Variants in CFAP57 observed in about 807,000 individuals in gnomAD.
CFAP57 encodes the protein cilia and flagella associated protein 57.
In CFAP57, 116 loss-of-function variants were observed where a neutral mutation model predicts 146.8. The observed-to-expected ratio is 0.79, with a 90% CI of 0.68 to 0.92. CFAP57 has a LOEUF of 0.92. CFAP57 is among the 40% of genes least tolerant of loss of function. The probability of loss-of-function intolerance (pLI) is 0.00; values close to 1 mark genes in which losing one functional copy is unlikely to be tolerated. For missense variants in CFAP57, 1,377 were observed against 1,527.2 expected (o/e 0.90, Z 1.64); for synonymous variants, 518 against 552.8 (o/e 0.94, Z 0.88).
At position 43,186,713 on chromosome 1, in the gene CFAP57, G is replaced by A. The variant is rs1452618413; in HGVS notation, c.976G>A (p.Val326Met). 2 of 1,613,320 alleles carry A rather than the reference G, an allele frequency of 1.2e-6. No homozygotes were observed. Among genetic ancestry groups the A allele is most frequent in the Non-Finnish European group, 1.7e-6 (2 of 1,179,716 alleles). Reference sequence around the variant, plus strand: ...TGTTTTGCATTTTGGGCAGATTCCTGTGGACCCGCAGAGCAATGATCCAAG... The same window carrying A: ...TGTTTTGCATTTTGGGCAGATTCCTATGGACCCGCAGAGCAATGATCCAAG... The part of the protein sequence containing the change: ...YRESREIRIP[V>M]DPQSNDPSQS... Residue 326 changes from valine to methionine, a missense_variant, in exon 6 of 23, where the codon GTG becomes ATG. Transcript: ENST00000372492.
intron 11 of CFAP57, among the ~76,000 whole-genome samples, chr1:43,214,590 G>C (rs1644763785): frequency 6.6e-6 from 1 of 152,168 alleles, no homozygotes; most frequent in Admixed American, 6.5e-5. Context: ...TCATATACAG[G>C]CTTTTGTGTG....
intron 3 of CFAP57, 138 bp from the exon 4 acceptor site, chr1:43,183,453 G>T: frequency 1.3e-6 from 1 of 796,146 alleles, no homozygotes; most frequent in South Asian, 1.6e-5. Context: ...ATCAAATGCA[G>T]CATAAAGTTA....
intron 6 of CFAP57, among the ~76,000 whole-genome samples, chr1:43,189,352 T>A (rs1643355709): frequency 6.6e-6 from 1 of 152,218 alleles, no homozygotes; most frequent in East Asian, 1.9e-4. Context: ...ATCTTAACAA[T>A]ACTAAGCCTT....
At chr1:43,232,023 G>C (rs1271829642) in intron 18 of CFAP57, 3 of 691,062 alleles carry the variant, frequency 4.3e-6, no homozygotes, top group Non-Finnish European at 5.3e-6. Flanking sequence ...TGCCTTAGAT[G>C]GGTGGTGCCC....
Position 43,231,968 on chromosome 1 carries a change from A to G in CFAP57, c.3010-540A>G, listed in dbSNP as rs562119846. 6.9e-6 allele frequency: 4 copies of G among 583,808 alleles called. No individual in the cohort carries two copies. The East Asian group carries it at 1.2e-4, about 17-fold the overall frequency. 36.2% of individuals were successfully genotyped at this position (583,808 alleles called of 1,614,324 possible). A position where few individuals can be genotyped will look rare whatever the true frequency, so the allele number is the denominator to read the frequency against. On this transcript the variant is annotated intron_variant, in intron 18 of 22. Transcript: ENST00000372492. ...GTACTTTTTAAGACCTTTCAACAGA[A>G]TGATGAGGCTGAGGCCCCTTCTCAG...
At chr1:43,247,766 C>T (rs1646165608) in intron 22 of CFAP57, among the ~76,000 whole-genome samples, 1 of 152,074 alleles carries the variant, frequency 6.6e-6, no homozygotes, top group Non-Finnish European at 1.5e-5. Context: ...TTACACAGAC[C>T]ATGCGTGACA....
chr1:43,200,203 A>G (rs1644056284), intron 9 of CFAP57, among the ~76,000 whole-genome samples: 1 of 152,174 alleles, frequency 6.6e-6, no homozygotes, highest in Non-Finnish European at 1.5e-5. Context: ...GATTTTAGAA[A>G]GTAAAGTCGT....
chr1:43,228,739 T>C (rs1570253577), intron 18 of CFAP57, among the ~76,000 whole-genome samples: 1 of 148,788 alleles, frequency 6.7e-6, no homozygotes, highest in African/African-American at 2.5e-5. Context: ...CCTTTCGGGG[T>C]GCTATAACAA....
intron 14 of CFAP57, 122 bp downstream of exon 14, chr1:43,221,587 C>A: frequency 1.8e-6 from 1 of 570,476 alleles, no homozygotes; most frequent in East Asian, 3.2e-5. Context: ...TAAAAACAGG[C>A]TACATGTATC....
chr1:43,217,212 G>C (rs991186826), intron 12 of CFAP57, among the ~76,000 whole-genome samples: 1 of 152,176 alleles, frequency 6.6e-6, no homozygotes, highest in East Asian at 1.9e-4. Context: ...GGTCAGGGGG[G>C]CCTTTTACAC....
rs1313914615 is a variant in CFAP57, at chr1:43,199,475, T to C, written c.1514T>C (p.Ile505Thr). ...HVYTTTSLENISSLKGHTGKI... is the reference protein window; with the variant it reads ...HVYTTTSLENTSSLKGHTGKI... The stretch of plus-strand genomic sequence containing the variant: ...TACACCACCACGAGCCTAGAGAACA[T>C]CTCAAGCCTGAAAGGACACACAGGG... Residue 505 changes from isoleucine (I) to threonine (T), a missense_variant, in exon 9 of 23, where the codon ATC becomes ACC. By Grantham distance (89) the Ile-to-Thr change is moderately conservative. Transcript: ENST00000372492. 1.2e-6 allele frequency: 2 copies of C among 1,614,062 alleles called. No individual in the cohort carries two copies. The highest frequency in any genetic ancestry group is 1.7e-6 in the Non-Finnish European group (2 of 1,180,014).
intron 18 of CFAP57, chr1:43,232,013 T>G: frequency 1.5e-6 from 1 of 676,734 alleles, no homozygotes; most frequent in Non-Finnish European, 2.7e-6. Context: ...TCCTGTTTTA[T>G]GCCTTAGATG....
intron 6 of CFAP57, among the ~76,000 whole-genome samples, chr1:43,188,405 A>G (rs1224304428): frequency 1.3e-5 from 2 of 152,174 alleles, no homozygotes; most frequent in Non-Finnish European, 2.9e-5. Context: ...CATAAGCAGT[A>G]TATGAGCATT....
intron 6 of CFAP57, among the ~76,000 whole-genome samples, chr1:43,197,170 T>C (rs7533005): frequency 0.18 from 26,827 of 151,808 alleles, 3,365 homozygotes; most frequent in African/African-American, 0.33. Flanking sequence ...TGGGCTAACA[T>C]AGTGAAACCG....
At chr1:43,242,048 CT>C (rs921135803) in intron 21 of CFAP57, among the ~76,000 whole-genome samples, 3 of 152,220 alleles carry the variant, frequency 2.0e-5, no homozygotes, top group African/African-American at 7.2e-5. Context: ...GTCGACTCCC[CT>C]CCTTTCACTC....
rs960428543 is a variant in CFAP57, at chr1:43,212,827, G to A, written c.1930-2428G>A. Among the ~76,000 whole-genome samples the A allele has an allele frequency of 2.6e-5, 4 of 151,598 alleles. No homozygotes were observed. The South Asian group carries it at 6.2e-4, about 24-fold the overall frequency. On this transcript the variant is annotated intron_variant, in intron 11 of 22. Transcript: ENST00000372492. ...TGCACGCCTGTAATCCCAGCTACTC[G>A]AGAGGCTGAGGCAGGAGAATTGCTT...
intron 13 of CFAP57, 22 bp downstream of exon 13, chr1:43,219,559 A>G: frequency 6.5e-7 from 1 of 1,550,114 alleles, no homozygotes; most frequent in Non-Finnish European, 8.7e-7. Flanking sequence ...AGACTGACCA[A>G]CAAGCACAAA....
Position 43,199,493 on chromosome 1 carries a change from A to G in CFAP57, c.1532A>G (p.His511Arg), listed in dbSNP as rs1362197924. The G allele has an allele frequency of 1.2e-6, 2 of 1,614,110 alleles. No homozygotes were observed. Among genetic ancestry groups the G allele is most frequent in the African/African-American group, 1.3e-5 (1 of 74,938 alleles). Residue 511 changes from histidine to arginine, a missense_variant, in exon 9 of 23, where the codon CAC becomes CGC. Transcript: ENST00000372492. Reference sequence around the variant, plus strand: ...GAGAACATCTCAAGCCTGAAAGGACACACAGGGAAGGTAAGTGAGTGAACA... The same window carrying G: ...GAGAACATCTCAAGCCTGAAAGGACGCACAGGGAAGGTAAGTGAGTGAACA... ...SLENISSLKG[H>R]TGKIRSIVWN... is the part of the protein sequence containing the mutation.
chr1:43,197,463 A>C, intron 6 of CFAP57, 90 bp from the exon 7 acceptor site: 8 of 1,549,588 alleles, frequency 5.2e-6, no homozygotes, highest in Non-Finnish European at 7.1e-6. Flanking sequence ...CACCCAGGCT[A>C]ATTAATGTTC....
Sources: gnomAD v4.1 joint callset for allele counts (sites outside exome capture counted in the v4.1 genomes callset) on GRCh38, gnomAD v4.1.1 for gene constraint, MANE v1.5 for transcripts, NCBI Gene and HGNC (gene_info 2026-07-23, HGNC 2026-07-21) for gene names.